The following MARK3 variants were observed in gnomAD, a reference collection of about 807,000 sequenced individuals.
The protein encoded by MARK3 is MAP/microtubule affinity-regulating kinase 3.
A neutral mutation model predicts 90.1 loss-of-function variants in MARK3; 46 were observed. The ratio of observed to expected loss-of-function variants is 0.51; its 90% confidence interval spans 0.40 to 0.65. The LOEUF (loss-of-function observed/expected upper bound fraction) is 0.65, where lower values mean the gene tolerates loss of function less well. Ranked by LOEUF, MARK3 falls within the 30% of genes least tolerant of loss-of-function variation. The pLI is 0.00. For missense variants in MARK3, 818 were observed against 947.2 expected (o/e 0.86, Z 1.79); for synonymous variants, 321 against 332.6 (o/e 0.97, Z 0.38).
intron 2 of MARK3, chr14:103,412,472 A>G: frequency 1.9e-6 from 1 of 530,074 alleles, no homozygotes; most frequent in South Asian, 2.0e-5. Flanking sequence ...CAGCTTCTTG[A>G]CCAGATTCTT....
chr14:103,425,466 T>C (rs574979581), intron 2 of MARK3, among the ~76,000 whole-genome samples: 40 of 152,178 alleles, frequency 2.6e-4, no homozygotes, highest in Non-Finnish European at 5.1e-4. Flanking sequence ...TTTCACCATG[T>C]TGGCCAGGCT....
At chr14:103,496,827 G>T (rs1464059730) in intron 15 of MARK3, among the ~76,000 whole-genome samples, 1 of 152,104 alleles carries the variant, frequency 6.6e-6, no homozygotes, top group Non-Finnish European at 1.5e-5. Flanking sequence ...ATCATTTGAA[G>T]CCAGGAGTTC....
rs191815762 is a variant in MARK3 at position 103,442,976 on chromosome 14, A to G, written c.298-5943A>G. On this transcript the variant is annotated intron_variant, in intron 3 of 17. Transcript: ENST00000429436. ...CTCCCACCGACAAGGAAGTGAGAAG[A>G]GAGGCAATGAAATAGATAAGCTACT... 3.2e-3 allele frequency among the ~76,000 whole-genome samples: 483 copies of G among 149,984 alleles called. 6 individuals are homozygous for G. Among genetic ancestry groups the G allele is most frequent in the Middle Eastern group, 0.01 (3 of 290 alleles).
intron 1 of MARK3, among the ~76,000 whole-genome samples, chr14:103,386,797 AT>A (rs1469820420): frequency 1.3e-5 from 2 of 152,214 alleles, no homozygotes; most frequent in African/African-American, 4.8e-5. Context: ...CTAAAAAGAG[AT>A]TGGCTTAGAT....
intron 3 of MARK3, among the ~76,000 whole-genome samples, chr14:103,437,596 T>C (rs1176967006): frequency 6.6e-6 from 1 of 152,166 alleles, no homozygotes; most frequent in East Asian, 1.9e-4. Flanking sequence ...CTAAAGTATA[T>C]TTTTCATTGT....
chr14:103,430,898 C>T (rs1034407086), intron 3 of MARK3, among the ~76,000 whole-genome samples: 1 of 152,138 alleles, frequency 6.6e-6, no homozygotes, highest in African/African-American at 2.4e-5. Context: ...ATGGGTCTTG[C>T]TCTGTTGTCC....
At position 103,454,146 on chromosome 14, in the gene MARK3, T is replaced by C. The variant is rs185100091; in HGVS notation, c.412+2163T>C. Among the ~76,000 whole-genome samples, 32 of 152,290 alleles carry C rather than the reference T, an allele frequency of 2.1e-4. 1 individual carries two copies. Among genetic ancestry groups the C allele is most frequent in the African/African-American group, 7.0e-4 (29 of 41,566 alleles). On this transcript the variant is annotated intron_variant, in intron 5 of 17. Coordinates refer to ENST00000429436, the MANE Select transcript of MARK3 (RefSeq NM_001128918.3). The stretch of plus-strand genomic sequence containing the variant: ...GCAAGTAACATGTGCTGAGCTGAGC[T>C]TCACGGTGAGCATAGGAACCCCCTC...
chr14:103,483,202 T>C (rs1035606689), intron 14 of MARK3, among the ~76,000 whole-genome samples: 1 of 152,150 alleles, frequency 6.6e-6, no homozygotes, highest in Non-Finnish European at 1.5e-5. Context: ...ATATCTTATT[T>C]CTTCACTAAT....
intron 12 of MARK3, among the ~76,000 whole-genome samples, chr14:103,469,570 C>T (rs2093585900): frequency 6.6e-6 from 1 of 152,042 alleles, no homozygotes; most frequent in Admixed American, 6.5e-5. Context: ...ACTGCAACCT[C>T]AGCCTCCGAA....
intron 2 of MARK3, among the ~76,000 whole-genome samples, chr14:103,423,110 C>T (rs949342897): frequency 3.3e-5 from 5 of 150,448 alleles, no homozygotes; most frequent in Non-Finnish European, 7.4e-5. Context: ...ACTGTTAAGT[C>T]CCCCAGTGTG....
chr14:103,427,774 A>G (rs2092459143), intron 2 of MARK3, among the ~76,000 whole-genome samples: 1 of 152,036 alleles, frequency 6.6e-6, no homozygotes, highest in African/African-American at 2.4e-5. Context: ...GATGCATTAT[A>G]ATTAGCTTAT....
At chr14:103,438,992 T>TAAA (rs60721454) in intron 3 of MARK3, among the ~76,000 whole-genome samples, 3 of 142,348 alleles carry the variant, frequency 2.1e-5, no homozygotes, top group Non-Finnish European at 4.6e-5. Flanking sequence ...CTTCTCTAAT[T>TAAA]AAAAAAAAAA....
chr14:103,426,445 T>C (rs551209989), intron 2 of MARK3, among the ~76,000 whole-genome samples: 3 of 152,160 alleles, frequency 2.0e-5, no homozygotes, highest in Non-Finnish European at 4.4e-5. Flanking sequence ...ACTTTGGCTA[T>C]AGATGCTTTC....
At chr14:103,392,666 TA>T (rs1355530615) in intron 1 of MARK3, among the ~76,000 whole-genome samples, 4 of 152,156 alleles carry the variant, frequency 2.6e-5, no homozygotes, top group South Asian at 2.1e-4. Flanking sequence ...TCCATGAGTT[TA>T]AAAAAAACTG....
intron 13 of MARK3, among the ~76,000 whole-genome samples, chr14:103,478,566 T>C (rs1832475115): frequency 2.0e-5 from 3 of 151,852 alleles, no homozygotes; most frequent in Admixed American, 6.6e-5. Flanking sequence ...TTTTTTGAGA[T>C]GGCATTTCGC....
At chr14:103,469,192 T>G (rs998551462) in intron 12 of MARK3, 3 of 152,028 alleles carry the variant, frequency 2.0e-5, no homozygotes, top group African/African-American at 4.8e-5. Flanking sequence ...ATTTATTTAT[T>G]TATTTTTCAG....
At chr14:103,416,665 A>G (rs553036061) in intron 2 of MARK3, among the ~76,000 whole-genome samples, 1 of 152,218 alleles carries the variant, frequency 6.6e-6, no homozygotes, top group Admixed American at 6.5e-5. Flanking sequence ...CCAGCTACTC[A>G]GGAAGCTGAG....
intron 3 of MARK3, among the ~76,000 whole-genome samples, chr14:103,432,575 G>T (rs983101520): frequency 3.3e-5 from 5 of 152,232 alleles, no homozygotes; most frequent in Non-Finnish European, 7.4e-5. Context: ...GGCAGGCCCG[G>T]CACAGTGGCT....
In MARK3 at chr14:103,466,393, CA is replaced by C; in HGVS notation, c.951del (p.Lys317AsnfsTer8). 1 of 1,613,974 alleles carries C rather than the reference CA, an allele frequency of 6.2e-7. No homozygotes were observed. The highest frequency in any genetic ancestry group is 8.5e-7 in the Non-Finnish European group (1 of 1,179,912). ...INAGHEEDEL[K>X]PFVEPELDIS... ...ATGCAGGGCATGAAGAAGATGAACT[CA>C]AACCATTTGTTGAACCAGAGCTAGA... On this transcript the variant is annotated frameshift_variant, in exon 10 of 18. Coordinates refer to ENST00000429436, the MANE Select transcript of MARK3 (RefSeq NM_001128918.3). LOFTEE classifies it high-confidence loss of function.
Sources: allele counts gnomAD v4.1 joint callset (sites outside exome capture counted in the v4.1 genomes callset), GRCh38; gene constraint gnomAD v4.1.1; transcripts MANE v1.5; gene names NCBI Gene and HGNC (gene_info 2026-07-23, HGNC 2026-07-21).